Variants in VHL observed in about 807,000 individuals in gnomAD.
VHL encodes the protein von Hippel-Lindau disease tumor suppressor.
In VHL, 10 loss-of-function variants were observed where a neutral mutation model predicts 19.2. The ratio of observed to expected loss-of-function variants is 0.52; its 90% confidence interval spans 0.32 to 0.89. The LOEUF is 0.89. Among genes scored for constraint, VHL ranks in the 40% least tolerant of loss-of-function variants. The pLI is 0.03. For missense variants in VHL, 328 were observed against 292.7 expected (o/e 1.12, Z -0.88); for synonymous variants, 167 against 129.5 (o/e 1.29, Z -1.97).
chr3:10,142,229 G>A (rs1575922657), intron 1 of VHL, 42 bp downstream of exon 1: 1 of 1,576,264 alleles, frequency 6.3e-7, no homozygotes, highest in South Asian at 1.1e-5. Context: ...AGGGACGATA[G>A]CACGGTCTGA....
chr3:10,142,312 G>A (rs1473520291), intron 1 of VHL, 125 bp downstream of exon 1: 12 of 986,730 alleles, frequency 1.2e-5, no homozygotes, highest in Non-Finnish European at 1.8e-5. Flanking sequence ...CACATCCAGG[G>A]TGACGCTGCT....
chr3:10,150,058 T>A lies in VHL; in HGVS notation c.*93T>A. ...TACAGGACTGGTTCCTTCCTTAGTT[T>A]CAAAGTGTCTCATTCTCAGAGTAAA... On this transcript the variant is annotated 3_prime_UTR_variant, in exon 3 of 3. Transcript: ENST00000256474. The A allele has an allele frequency of 1.9e-6, 3 of 1,550,480 alleles. No individual in the cohort carries two copies. The highest frequency in any genetic ancestry group is 1.7e-6 in the Non-Finnish European group (2 of 1,146,964).
rs1044018036 is a variant in VHL at position 10,150,331 on chromosome 3, A to T, written c.*366A>T. 1 of 1,260,186 alleles carries T rather than the reference A, an allele frequency of 7.9e-7. No individual in the cohort carries two copies. Among genetic ancestry groups the T allele is most frequent in the Non-Finnish European group, 1.0e-6 (1 of 989,444 alleles). The allele number at this position is 1,260,186 out of a possible 1,614,324, so 78.1% of individuals were successfully genotyped here. The stretch of plus-strand genomic sequence containing the variant: ...AGGCATTGGCATCTGCTTTTAATGG[A>T]TGTATAATACATCCATTCTACATCC... On this transcript the variant is annotated 3_prime_UTR_variant, in exon 3 of 3. Transcript: ENST00000256474.
At chr3:10,142,609 G>C in intron 1 of VHL, 1 of 207,260 alleles carries the variant, frequency 4.8e-6, no homozygotes, top group Non-Finnish European at 9.9e-6. Flanking sequence ...CTCCCAAAGT[G>C]CTGGGCTTAT....
Position 10,149,901 on chromosome 3 carries a change from A to G in VHL, c.578A>G (p.Asn193Ser), listed in dbSNP as rs879254225. The change falls in exon 3 of 3, where the codon AAT (asparagine) becomes AGT (serine). Residue 193 changes from asparagine to serine, a missense_variant. Asn to Ser is a conservative substitution (Grantham distance 46, BLOSUM62 1). Transcript: ENST00000256474. Reference protein sequence around the residue: ...SLYEDLEDHPNVQKDLERLTQ... With the variant: ...SLYEDLEDHPSVQKDLERLTQ... ...TACGAAGATCTGGAAGACCACCCAA[A>G]TGTGCAGAAAGACCTGGAGCGGCTG... 4 of 1,614,052 alleles carry G rather than the reference A, an allele frequency of 2.5e-6. No individual in the cohort carries two copies. The highest frequency in any genetic ancestry group is 3.4e-6 in the Non-Finnish European group (4 of 1,180,028).
chr3:10,142,591 G>T, intron 1 of VHL: 1 of 209,902 alleles, frequency 4.8e-6, no homozygotes, highest in Non-Finnish European at 9.8e-6. Flanking sequence ...TGATCCGCCC[G>T]CCTCGGCCTC....
rs1696445010 is a variant in VHL, at chr3:10,152,719, T to C, written c.*2754T>C. Among the ~76,000 whole-genome samples the C allele has an allele frequency of 6.6e-6, 1 of 151,092 alleles. No individual in the cohort carries two copies. The highest frequency in any genetic ancestry group is 1.5e-5 in the Non-Finnish European group (1 of 67,846). On this transcript the variant is annotated 3_prime_UTR_variant, in exon 3 of 3. Transcript: ENST00000256474. ...GTTGTCCAGGATGGTCTTGATCTCCTGACCTTGTGATCCACCCACCTCAGC... is the reference window on the plus strand; with the variant it reads ...GTTGTCCAGGATGGTCTTGATCTCCCGACCTTGTGATCCACCCACCTCAGC...
rs745799758 is a variant in VHL at position 10,147,666 on chromosome 3, GTTT to G, written c.463+1043_463+1045del. Among the ~76,000 whole-genome samples the G allele has an allele frequency of 3.3e-3, 467 of 140,772 alleles. 2 individuals carry two copies. The highest frequency in any genetic ancestry group is 0.011 in the African/African-American group (435 of 38,802). 92.4% of individuals were successfully genotyped at this position (140,772 alleles called of 152,430 possible). On this transcript the variant is annotated intron_variant, in intron 2 of 2. Transcript: ENST00000256474. ...AGGCGTGAGCCACTGCGTCCAGCCT[GTTT>G]TTTTTTTTTTTTAAATCATTGAAGA...
intron 1 of VHL, 88 bp downstream of exon 1, chr3:10,142,275 G>C: frequency 6.8e-7 from 1 of 1,466,936 alleles, no homozygotes; most frequent in Non-Finnish European, 9.2e-7. Flanking sequence ...TTTTGCAGAC[G>C]GGGAACTGAG....
intron 1 of VHL, among the ~76,000 whole-genome samples, chr3:10,145,142 C>G (rs1383069715): frequency 6.6e-6 from 1 of 152,042 alleles, no homozygotes; most frequent in African/African-American, 2.4e-5. Context: ...GGCAGTGAGC[C>G]AAGATCACAC....
chr3:10,145,942 A>G (rs1419902049), intron 1 of VHL, among the ~76,000 whole-genome samples: 1 of 152,044 alleles, frequency 6.6e-6, no homozygotes, highest in Non-Finnish European at 1.5e-5. Flanking sequence ...CAGAAAGGGC[A>G]TGGGATTGAG....
rs139622356 is a variant in VHL at position 10,142,765 on chromosome 3, C to T, written c.340+578C>T. 101 of 156,152 alleles carry T rather than the reference C, an allele frequency of 6.5e-4. No individual in the cohort carries two copies. In the Middle Eastern group the frequency reaches 0.013, roughly 21 times the overall value. 9.7% of individuals were successfully genotyped at this position (156,152 alleles called of 1,614,324 possible). A position where few individuals can be genotyped will look rare whatever the true frequency, so the allele number is the denominator to read the frequency against. On this transcript the variant is annotated intron_variant, in intron 1 of 2. Transcript: ENST00000256474. ...TCCTTAACACCCCATCTGTTCAGTC[C>T]TCATGACTCCAGTGGGCCAGTTCTG...
rs1559428039 is a variant in VHL, at chr3:10,146,514, G to A, written c.341G>A (p.Gly114Asp). The change falls in exon 2 of 3, where the codon GGT (glycine) becomes GAT (aspartate). Residue 114 changes from glycine to aspartate, a missense_variant and splice_region_variant. By Grantham distance (94) the Gly-to-Asp change is moderately conservative. Coordinates refer to ENST00000256474, the MANE Select transcript of VHL (RefSeq NM_000551.4). ...GTGRRIHSYR[G>D]HLWLFRDAGT... ...TAACAACCTTTGCTTGTCCCGATAG[G>A]TCACCTTTGGCTCTTCAGAGATGCA... The A allele has an allele frequency of 6.2e-7, 1 of 1,613,688 alleles. No homozygotes were observed. The highest frequency in any genetic ancestry group is 8.5e-7 in the Non-Finnish European group (1 of 1,179,730).
At position 10,151,648 on chromosome 3, in the gene VHL, G is replaced by A. The variant is rs1376179940; in HGVS notation, c.*1683G>A. 3.7e-5 allele frequency: 8 copies of A among 217,254 alleles called. No individual in the cohort carries two copies. The highest frequency in any genetic ancestry group is 9.0e-5 in the African/African-American group (4 of 44,462). 13.5% of individuals were successfully genotyped at this position (217,254 alleles called of 1,614,324 possible). A position where few individuals can be genotyped will look rare whatever the true frequency, so the allele number is the denominator to read the frequency against. ...CTTTATAACTTAAATATTGCTCTAT[G>A]TTAGTATAAGCTTTTCACAAACATT... On this transcript the variant is annotated 3_prime_UTR_variant, in exon 3 of 3. Coordinates refer to ENST00000256474, the MANE Select transcript of VHL (RefSeq NM_000551.4).
At position 10,146,620 on chromosome 3, in the gene VHL, C is replaced by T. The variant is rs2125128479; in HGVS notation, c.447C>T (p.Ala149=). The T allele has an allele frequency of 6.2e-7, 1 of 1,613,868 alleles. No homozygotes were observed. The highest frequency in any genetic ancestry group is 8.5e-7 in the Non-Finnish European group (1 of 1,179,838). Residue 149 remains alanine, a synonymous_variant, in exon 2 of 3, where the codon GCC becomes GCT. Transcript: ENST00000256474. ...ATGTTGACGGACAGCCTATTTTTGC[C>T]AATATCACACTGCCAGGTACTGACG... ...SLNVDGQPIF[A]NITLPVYTLK...
At position 10,150,121 on chromosome 3, in the gene VHL, A is replaced by G. The variant is rs1696373047; in HGVS notation, c.*156A>G. On this transcript the variant is annotated 3_prime_UTR_variant, in exon 3 of 3. Coordinates refer to ENST00000256474, the MANE Select transcript of VHL (RefSeq NM_000551.4). Reference sequence around the variant, plus strand: ...GCTTAAAAGAAAGTTAACTGACTTCACTAGGCATTGTGATGTTTAGGGGCA... The same window carrying G: ...GCTTAAAAGAAAGTTAACTGACTTCGCTAGGCATTGTGATGTTTAGGGGCA... 1.3e-6 allele frequency: 2 copies of G among 1,514,184 alleles called. No individual in the cohort carries two copies. The highest frequency in any genetic ancestry group is 2.5e-5 in the East Asian group (1 of 40,096). 93.8% of individuals were successfully genotyped at this position (1,514,184 alleles called of 1,614,324 possible). A position where few individuals can be genotyped will look rare whatever the true frequency, so the allele number is the denominator to read the frequency against.
Position 10,141,965 on chromosome 3 carries a change from C to T in VHL, c.118C>T (p.Pro40Ser), listed in dbSNP as rs776399733. The T allele has an allele frequency of 1.9e-6, 3 of 1,553,810 alleles. No homozygotes were observed. The highest frequency in any genetic ancestry group is 2.6e-6 in the Non-Finnish European group (3 of 1,149,812). Residue 40 changes from proline (P) to serine (S), a missense_variant, in exon 1 of 3, where the codon CCG (proline) becomes TCG (serine). Physicochemically the swap from Pro to Ser is moderately conservative, Grantham distance 74. Coordinates refer to ENST00000256474, the MANE Select transcript of VHL (RefSeq NM_000551.4). ...GEESGAEESGPEESGPEELGA... is the reference protein window; with the variant it reads ...GEESGAEESGSEESGPEELGA... ...GGAGTCGGGCGCCGAGGAGTCCGGC[C>T]CGGAAGAGTCCGGCCCGGAGGAACT...
In VHL at chr3:10,143,864, G is replaced by T. The variant is rs980805127; in HGVS notation, c.340+1677G>T. Among the ~76,000 whole-genome samples the T allele has an allele frequency of 3.9e-5, 6 of 152,216 alleles. No individual in the cohort carries two copies. The South Asian group carries it at 1.2e-3, about 31-fold the overall frequency. Reference sequence around the variant, plus strand: ...AAGACTGCTGTCGAGGAAGCAGTTAGGTAGTTGTGAAAACCCAGGTGAGGA... The same window carrying T: ...AAGACTGCTGTCGAGGAAGCAGTTATGTAGTTGTGAAAACCCAGGTGAGGA... On this transcript the variant is annotated intron_variant, in intron 1 of 2. Transcript: ENST00000256474.
Position 10,146,593 on chromosome 3 carries a change from C to A in VHL, c.420C>A (p.Leu140=), listed in dbSNP as rs369465430. ...AAACTGAATTATTTGTGCCATCTCT[C>A]AATGTTGACGGACAGCCTATTTTTG... ...VNQTELFVPS[L]NVDGQPIFAN... The change falls in exon 2 of 3, where the codon CTC becomes CTA. Residue 140 remains leucine (L), a synonymous_variant. Transcript: ENST00000256474. 9 of 1,613,886 alleles carry A rather than the reference C, an allele frequency of 5.6e-6. No individual in the cohort carries two copies. In the African/African-American group the frequency reaches 9.3e-5, roughly 17 times the overall value.
Sources: allele counts gnomAD v4.1 joint callset (sites outside exome capture counted in the v4.1 genomes callset), GRCh38; gene constraint gnomAD v4.1.1; transcripts MANE v1.5; gene names NCBI Gene and HGNC (gene_info 2026-07-23, HGNC 2026-07-21).